The following CUL3 variants were observed in gnomAD, a reference collection of about 807,000 sequenced individuals.
The protein encoded by CUL3 is cullin-3.
CUL3 carries 19 observed loss-of-function variants against 89.1 expected under a neutral mutation model. The observed-to-expected ratio is 0.21, with a 90% CI of 0.15 to 0.31. The LOEUF (loss-of-function observed/expected upper bound fraction) is 0.31, where lower values mean the gene tolerates loss of function less well. Among genes scored for constraint, CUL3 ranks in the 10% least tolerant of loss-of-function variants. The pLI is 1.00. For synonymous variants in CUL3, 351 were observed against 308.4 expected, an observed-to-expected ratio of 1.14 and a Z score of -1.45; for missense variants, 469 against 942.3, an observed-to-expected ratio of 0.50 and a Z score of 6.58.
intron 2 of CUL3, among the ~76,000 whole-genome samples, chr2:224,551,363 G>A (rs1229950832): frequency 1.3e-5 from 2 of 152,008 alleles, no homozygotes; most frequent in East Asian, 3.9e-4. Context: ...CCGCCACCAC[G>A]TCCGGCTCAT....
At chr2:224,562,637 CA>C (rs143703376) in intron 1 of CUL3, 2,640 of 87,128 alleles carry the variant, frequency 0.03, 34 homozygotes, top group South Asian at 0.07. Flanking sequence ...GACTTTGTCT[CA>C]AAAAAAAAAA....
At chr2:224,538,651 C>T (rs1693978941) in intron 2 of CUL3, among the ~76,000 whole-genome samples, 1 of 152,048 alleles carries the variant, frequency 6.6e-6, no homozygotes, top group African/African-American at 2.4e-5. Flanking sequence ...TAAAATTACA[C>T]AGATAAAGAG....
chr2:224,486,631 C>T (rs530262784), intron 13 of CUL3, among the ~76,000 whole-genome samples: 388 of 152,192 alleles, frequency 2.5e-3, no homozygotes, highest in South Asian at 7.0e-3. Flanking sequence ...AAAGACCAAA[C>T]CTACGTTTGA....
At chr2:224,523,937 G>A (rs1194689617) in intron 3 of CUL3, among the ~76,000 whole-genome samples, 1 of 152,160 alleles carries the variant, frequency 6.6e-6, no homozygotes, top group Non-Finnish European at 1.5e-5. Flanking sequence ...ACTGTTTAGT[G>A]AGTACAGAAT....
At chr2:224,526,120 TAAGAA>T (rs2106245931) in intron 3 of CUL3, among the ~76,000 whole-genome samples, 1 of 152,338 alleles carries the variant, frequency 6.6e-6, no homozygotes, top group East Asian at 1.9e-4. Context: ...ATTTTACAGA[TAAGAA>T]AACAAGAGTC....
intron 2 of CUL3, among the ~76,000 whole-genome samples, chr2:224,542,572 C>T (rs13014509): frequency 3.3e-4 from 44 of 135,378 alleles, no homozygotes; most frequent in Admixed American, 6.0e-4. Flanking sequence ...TGTGTGTGTG[C>T]GCGCGCGCAT....
intron 3 of CUL3, among the ~76,000 whole-genome samples, chr2:224,516,749 T>A (rs1173010650): frequency 1.4e-5 from 2 of 146,588 alleles, no homozygotes; most frequent in African/African-American, 5.1e-5. Context: ...CAGGTTCAAG[T>A]GATTCTCCTG....
rs1050450410 is a variant in CUL3 at position 224,473,346 on chromosome 2, G to C, written c.*899C>G. 20 of 194,158 alleles carry C rather than the reference G, an allele frequency of 1.0e-4. No homozygotes were observed. Among genetic ancestry groups the C allele is most frequent in the Non-Finnish European group, 1.7e-4 (16 of 93,022 alleles). The allele number at this position is 194,158 out of a possible 1,614,324, so 12.0% of individuals were successfully genotyped here. ...TATAGACTGTATGTGCTTTTCAGAG[G>C]GGCTGAATTAAATATAACCAGCTGC... On this transcript the variant is annotated 3_prime_UTR_variant, in exon 16 of 16. Coordinates refer to ENST00000264414, the MANE Select transcript of CUL3 (RefSeq NM_003590.5).
At position 224,472,629 on chromosome 2, in the gene CUL3, G is replaced by A. The variant is rs1407049785; in HGVS notation, c.*1616C>T. 5.3e-6 allele frequency: 1 copy of A among 189,610 alleles called. No homozygotes were observed. Among genetic ancestry groups the A allele is most frequent in the Admixed American group, 6.2e-5 (1 of 16,232 alleles). 11.7% of individuals were successfully genotyped at this position (189,610 alleles called of 1,614,324 possible). A position where few individuals can be genotyped will look rare whatever the true frequency, so the allele number is the denominator to read the frequency against. The stretch of plus-strand genomic sequence containing the variant: ...CATCTTAATTGCATCATGTAGAAGT[G>A]GAAAATGTAGAGATAAAGAGCACAA... On this transcript the variant is annotated 3_prime_UTR_variant, in exon 16 of 16. Coordinates refer to ENST00000264414, the MANE Select transcript of CUL3 (RefSeq NM_003590.5).
chr2:224,563,021 T>C (rs1694951352), intron 1 of CUL3: 1 of 343,704 alleles, frequency 2.9e-6, no homozygotes. Flanking sequence ...CAGAGCACAG[T>C]ATAATCCCTC....
chr2:224,537,181 C>G (rs1693929124), intron 2 of CUL3, among the ~76,000 whole-genome samples: 1 of 152,106 alleles, frequency 6.6e-6, no homozygotes, highest in South Asian at 2.1e-4. Flanking sequence ...CATTCTGTAT[C>G]AGATCTAATA....
chr2:224,529,373 T>A (rs777187328), intron 3 of CUL3, among the ~76,000 whole-genome samples: 4 of 151,748 alleles, frequency 2.6e-5, no homozygotes, highest in South Asian at 2.1e-4. Flanking sequence ...ATCCCAGTAC[T>A]TTGGGAGGCC....
chr2:224,557,550 T>A lies in CUL3; in HGVS notation c.264+109A>T, dbSNP rs1574692907. ...AACAGTCACGAATTAGTAATTTCTA[T>A]AGGCTTCTGGCACCTTTAAAAAGAA... On this transcript the variant is annotated intron_variant, in intron 2 of 15. Coordinates refer to ENST00000264414, the MANE Select transcript of CUL3 (RefSeq NM_003590.5). 5 of 674,936 alleles carry A rather than the reference T, an allele frequency of 7.4e-6. No homozygotes were observed. In the East Asian group the frequency reaches 1.4e-4, roughly 19 times the overall value. The allele number at this position is 674,936 out of a possible 1,614,324, so 41.8% of individuals were successfully genotyped here.
At chr2:224,481,240 A>C (rs1691528670) in intron 14 of CUL3, among the ~76,000 whole-genome samples, 1 of 152,044 alleles carries the variant, frequency 6.6e-6, no homozygotes, top group Admixed American at 6.5e-5. Flanking sequence ...AAGCCTATCT[A>C]ATACTAGTTT....
At chr2:224,532,366 T>C (rs997850326) in intron 3 of CUL3, among the ~76,000 whole-genome samples, 5 of 151,064 alleles carry the variant, frequency 3.3e-5, no homozygotes, top group African/African-American at 1.2e-4. Flanking sequence ...AGTAAGAAGG[T>C]AGGTAGGAGG....
At chr2:224,478,622 G>T (rs1052135718) in intron 14 of CUL3, 10 of 279,278 alleles carry the variant, frequency 3.6e-5, no homozygotes, top group African/African-American at 1.3e-4. Flanking sequence ...AACAGTAGCT[G>T]AAAATATTCA....
At chr2:224,574,002 G>A (rs561605180) in intron 1 of CUL3, among the ~76,000 whole-genome samples, 9 of 152,300 alleles carry the variant, frequency 5.9e-5, no homozygotes, top group African/African-American at 1.9e-4. Flanking sequence ...CCATTACTTT[G>A]GAGAGGACAG....
chr2:224,551,141 C>A (rs1694499155), intron 2 of CUL3, among the ~76,000 whole-genome samples: 2 of 151,556 alleles, frequency 1.3e-5, no homozygotes, highest in Admixed American at 1.3e-4. Flanking sequence ...ACTGCAGCCT[C>A]AAACTCCTGG....
intron 2 of CUL3, among the ~76,000 whole-genome samples, chr2:224,551,203 C>T (rs549101797): frequency 2.0e-5 from 3 of 148,734 alleles, no homozygotes; most frequent in Non-Finnish European, 4.5e-5. Context: ...CCAAGCCCGG[C>T]AATTTTTTTT....
Sources: gnomAD v4.1 joint callset for allele counts (sites outside exome capture counted in the v4.1 genomes callset) on GRCh38, gnomAD v4.1.1 for gene constraint, MANE v1.5 for transcripts, NCBI Gene and HGNC (gene_info 2026-07-23, HGNC 2026-07-21) for gene names.